The following PER3 variants were observed in gnomAD, a reference collection of about 807,000 sequenced individuals.
PER3 encodes period circadian regulator 3.
A neutral mutation model predicts 127.2 loss-of-function variants in PER3; 107 were observed. That is an observed-to-expected ratio of 0.84 (90% CI 0.72 to 0.99). The LOEUF (loss-of-function observed/expected upper bound fraction) is 0.99, where lower values mean the gene tolerates loss of function less well. Ranked by LOEUF, PER3 falls within the 50% of genes least tolerant of loss-of-function variation. The pLI is 0.00. For missense variants in PER3, 1,560 were observed against 1,525.8 expected, an observed-to-expected ratio of 1.02 and a Z score of -0.37; for synonymous variants, 618 against 585.8, an observed-to-expected ratio of 1.05 and a Z score of -0.79.
rs1281790073 is a variant in PER3 at position 7,830,222 on chromosome 1, G to A, written c.3214+61G>A. 2.8e-6 allele frequency: 4 copies of A among 1,429,650 alleles called. No individual in the cohort carries two copies. The African/African-American group carries it at 5.6e-5, about 20-fold the overall frequency. 88.6% of individuals were successfully genotyped at this position (1,429,650 alleles called of 1,614,324 possible). A position where few individuals can be genotyped will look rare whatever the true frequency, so the allele number is the denominator to read the frequency against. On this transcript the variant is annotated intron_variant, in intron 19 of 21. Coordinates refer to ENST00000377532, the MANE Select transcript of PER3 (RefSeq NM_001377275.1). ...ATGCCAGACATTCACTATGTGCTGAGCTCTCACTGTGTGCCCCAGGCACTG... is the reference window on the plus strand; with the variant it reads ...ATGCCAGACATTCACTATGTGCTGAACTCTCACTGTGTGCCCCAGGCACTG...
At chr1:7,794,435 G>A (rs949576660) in intron 6 of PER3, among the ~76,000 whole-genome samples, 14 of 152,182 alleles carry the variant, frequency 9.2e-5, no homozygotes, top group Non-Finnish European at 2.1e-4. Flanking sequence ...GGAGGTTGCA[G>A]TGAGCTGAGA....
intron 16 of PER3, among the ~76,000 whole-genome samples, chr1:7,823,148 G>A (rs2097285331): frequency 6.6e-6 from 1 of 152,174 alleles, no homozygotes; most frequent in Non-Finnish European, 1.5e-5. Context: ...TATATGCAAA[G>A]TACAAGTGAA....
chr1:7,793,983 G>C lies in PER3; in HGVS notation c.619G>C (p.Val207Leu), dbSNP rs762948790. The C allele has an allele frequency of 1.9e-6, 3 of 1,613,960 alleles. No individual in the cohort carries two copies. The African/African-American group carries it at 4.0e-5, about 22-fold the overall frequency. Reference protein sequence around the residue: ...RAAARYECAPVKPFFCRIRGG... With the variant: ...RAAARYECAPLKPFFCRIRGG... ...AGCTGCACGGTATGAATGTGCTCCG[G>C]TGAAACCTTTTTTCTGCAGGATCCG... The change falls in exon 6 of 22, where the codon GTG (valine) becomes CTG (leucine). Residue 207 changes from valine to leucine, a missense_variant. By Grantham distance (32) the Val-to-Leu change is conservative. Coordinates refer to ENST00000377532, the MANE Select transcript of PER3 (RefSeq NM_001377275.1).
intron 21 of PER3, among the ~76,000 whole-genome samples, chr1:7,841,747 G>C (rs2097390225): frequency 6.6e-6 from 1 of 152,082 alleles, no homozygotes; most frequent in South Asian, 2.1e-4. Flanking sequence ...AGAATGGCTG[G>C]GTAGGGTCTC....
At chr1:7,832,820 A>AGAGC (rs1372093918) in intron 19 of PER3, among the ~76,000 whole-genome samples, 1 of 150,288 alleles carries the variant, frequency 6.7e-6, no homozygotes, top group Non-Finnish European at 1.5e-5. Context: ...GAATGCTCTA[A>AGAGC]CCATTGCATC....
chr1:7,831,329 C>T (rs1342811953), intron 19 of PER3, among the ~76,000 whole-genome samples: 3 of 152,146 alleles, frequency 2.0e-5, no homozygotes, highest in African/African-American at 7.2e-5. Context: ...TTGCTAAACT[C>T]ATTGATTAGT....
At chr1:7,832,370 T>C (rs2097335505) in intron 19 of PER3, among the ~76,000 whole-genome samples, 1 of 108,832 alleles carries the variant, frequency 9.2e-6, no homozygotes, top group African/African-American at 3.4e-5. Flanking sequence ...TATGCTCTTT[T>C]TTTTTTTTTT....
At chr1:7,829,064 A>G (rs1173517435) in intron 18 of PER3, among the ~76,000 whole-genome samples, 2 of 152,174 alleles carry the variant, frequency 1.3e-5, no homozygotes, top group Non-Finnish European at 2.9e-5. Context: ...CTTCTTAGTT[A>G]TATATGTAAA....
At chr1:7,840,632 C>T (rs543503505) in intron 21 of PER3, among the ~76,000 whole-genome samples, 1 of 144,610 alleles carries the variant, frequency 6.9e-6, no homozygotes, top group African/African-American at 2.6e-5. Flanking sequence ...CTTTTTCTTT[C>T]TTTTTTTTAA....
Position 7,842,999 on chromosome 1 carries a change from A to T in PER3, c.*244A>T, listed in dbSNP as rs1157079075. On this transcript the variant is annotated 3_prime_UTR_variant, in exon 22 of 22. Transcript: ENST00000377532. ...TTTGTAGTTGAATTGTCTTCTAAAG[A>T]GATTGGATGGCCTCTAAAGAGGTAT... The T allele has an allele frequency of 1.1e-5, 3 of 274,172 alleles. No individual in the cohort carries two copies. Among genetic ancestry groups the T allele is most frequent in the Non-Finnish European group, 2.1e-5 (3 of 142,804 alleles). The allele number at this position is 274,172 out of a possible 1,614,324, so 17.0% of individuals were successfully genotyped here.
chr1:7,834,226 A>T (rs2097346899), intron 19 of PER3, among the ~76,000 whole-genome samples: 1 of 151,074 alleles, frequency 6.6e-6, no homozygotes, highest in South Asian at 2.1e-4. Context: ...AGCCTGCTCT[A>T]GGTTGTACAA....
chr1:7,793,848 CCTCT>C lies in PER3; in HGVS notation c.593-102_593-99del, dbSNP rs906966205. 4.1e-5 allele frequency: 37 copies of C among 900,672 alleles called. No individual in the cohort carries two copies. In the Admixed American group the frequency reaches 5.2e-4, roughly 13 times the overall value. 55.8% of individuals were successfully genotyped at this position (900,672 alleles called of 1,614,324 possible). A position where few individuals can be genotyped will look rare whatever the true frequency, so the allele number is the denominator to read the frequency against. On this transcript the variant is annotated intron_variant, in intron 5 of 21. Transcript: ENST00000377532. ...GGGGGTTCTATTTTAATCAAGGAGACCTCTCTCTCTTTTAAAAAATAGTTTGTTG... is the reference window on the plus strand; with the variant it reads ...GGGGGTTCTATTTTAATCAAGGAGACCTCTCTTTTAAAAAATAGTTTGTTG...
rs1469701014 is a variant in PER3, at chr1:7,826,634, A to C, written c.2112A>C (p.Glu704Asp). 2.5e-6 allele frequency: 4 copies of C among 1,613,872 alleles called. No individual in the cohort carries two copies. Among genetic ancestry groups the C allele is most frequent in the Non-Finnish European group, 2.5e-6 (3 of 1,179,740 alleles). Reference sequence around the variant, plus strand: ...AGAATTATGTTGATAAATTCCGAGAAAAGATCCTGTCATCACCCTACAGCT... The same window carrying C: ...AGAATTATGTTGATAAATTCCGAGACAAGATCCTGTCATCACCCTACAGCT... ...EEQNYVDKFR[E>D]KILSSPYSSY... Residue 704 changes from glutamate to aspartate, a missense_variant, in exon 17 of 22, where the codon GAA becomes GAC. Glu to Asp is a conservative substitution (Grantham distance 45). Coordinates refer to ENST00000377532, the MANE Select transcript of PER3 (RefSeq NM_001377275.1). The surrounding 1 kb of genome is among the most constrained non-coding windows in gnomAD (Gnocchi z 4.2).
intron 13 of PER3, among the ~76,000 whole-genome samples, chr1:7,816,364 A>G (rs537028858): frequency 6.6e-6 from 1 of 152,312 alleles, no homozygotes; most frequent in East Asian, 1.9e-4. Context: ...TTTTTGAAAG[A>G]GACTGATAAC....
chr1:7,785,352 A>C, intron 2 of PER3, 89 bp from the exon 3 acceptor site: 1 of 1,052,946 alleles, frequency 9.5e-7, no homozygotes, highest in Non-Finnish European at 1.4e-6. Flanking sequence ...AGCACTTAGA[A>C]ACTTACCTGG....
chr1:7,839,127 G>T (rs936151762), intron 21 of PER3, among the ~76,000 whole-genome samples: 2 of 151,978 alleles, frequency 1.3e-5, no homozygotes, highest in Non-Finnish European at 2.9e-5. Flanking sequence ...TTTTCATTGC[G>T]ATAACCATGG....
rs765623710 is a variant in PER3 at position 7,803,111 on chromosome 1, C to T, written c.937C>T (p.His313Tyr). ...TGGAACATCGATCCTAAGCTACCTG[C>T]ACCCTGAAGATCGTTCTCTGATGGT... is the stretch of plus-strand genomic sequence containing the variant. ...LIGTSILSYLHPEDRSLMVAI... is the reference protein window; with the variant it reads ...LIGTSILSYLYPEDRSLMVAI... The change falls in exon 9 of 22, where the codon CAC (histidine) becomes TAC (tyrosine). Residue 313 changes from histidine to tyrosine, a missense_variant. His to Tyr is a moderately conservative substitution (Grantham distance 83, BLOSUM62 2). Around this residue, in one of 3 missense-constraint regions of PER3, gnomAD observed 1,332 missense variants for 1,223.6 expected, o/e 1.09. Coordinates refer to ENST00000377532, the MANE Select transcript of PER3 (RefSeq NM_001377275.1). The T allele has an allele frequency of 6.2e-7, 1 of 1,613,246 alleles. No homozygotes were observed. The highest frequency in any genetic ancestry group is 2.2e-5 in the East Asian group (1 of 44,890).
At position 7,810,642 on chromosome 1, in the gene PER3, A is replaced by G. The variant is rs374813111; in HGVS notation, c.1522+54A>G. 7.9e-6 allele frequency: 12 copies of G among 1,514,230 alleles called. 2 individuals carry two copies. The African/African-American group carries it at 1.7e-4, about 21-fold the overall frequency. The allele number at this position is 1,514,230 out of a possible 1,614,324, so 93.8% of individuals were successfully genotyped here. A position where few individuals can be genotyped will look rare whatever the true frequency, so the allele number is the denominator to read the frequency against. ...CCTTCCATGGGCTGTCACTCTCTGC[A>G]TAGACGTCATGTATGTGATTCGTGA... On this transcript the variant is annotated intron_variant, in intron 13 of 21. Coordinates refer to ENST00000377532, the MANE Select transcript of PER3 (RefSeq NM_001377275.1).
At position 7,786,835 on chromosome 1, in the gene PER3, C is replaced by T. The variant is rs754416675; in HGVS notation, c.389C>T (p.Thr130Ile). ...GCTTCAGAACACACTTCCAAAAACA[C>T]AGTAAGAATTCATGCATTTTGCCAT... ...TIASEHTSKN[T>I]DTFVAVFSFL... Residue 130 changes from threonine to isoleucine, a missense_variant and splice_region_variant, in exon 4 of 22, where the codon ACA (threonine) becomes ATA (isoleucine). Coordinates refer to ENST00000377532, the MANE Select transcript of PER3 (RefSeq NM_001377275.1). 2 of 1,557,816 alleles carry T rather than the reference C, an allele frequency of 1.3e-6. No individual in the cohort carries two copies. Among genetic ancestry groups the T allele is most frequent in the South Asian group, 2.2e-5 (2 of 89,864 alleles).
Sources: allele counts gnomAD v4.1 joint callset (sites outside exome capture counted in the v4.1 genomes callset), GRCh38; gene constraint gnomAD v4.1.1; regional missense constraint gnomAD v4.1.1; non-coding constraint Gnocchi (gnomAD v3.1); transcripts MANE v1.5; gene names NCBI Gene and HGNC (gene_info 2026-07-23, HGNC 2026-07-21).